BCKDHB: variants seen among roughly 807,000 people sequenced by gnomAD.
BCKDHB encodes the protein 2-oxoisovalerate dehydrogenase subunit beta, mitochondrial.
In BCKDHB, 41 loss-of-function variants were observed where a neutral mutation model predicts 48.5. That is an observed-to-expected ratio of 0.85 (90% CI 0.66 to 1.10). BCKDHB has a LOEUF of 1.10. Among genes scored for constraint, BCKDHB ranks in the 50% least tolerant of loss-of-function variants. The pLI is 0.00. For synonymous variants in BCKDHB, 201 were observed against 174.8 expected (o/e 1.15, Z -1.18); for missense variants, 496 against 494.2 (o/e 1.00, Z -0.03).
At chr6:80,179,749 G>C (rs372933495) in intron 6 of BCKDHB, among the ~76,000 whole-genome samples, 9 of 152,240 alleles carry the variant, frequency 5.9e-5, no homozygotes, top group African/African-American at 1.9e-4. Flanking sequence ...TTCTTTGAAA[G>C]TTATAAAAAC....
intron 8 of BCKDHB, among the ~76,000 whole-genome samples, chr6:80,226,885 G>A (rs1021128477): frequency 6.6e-6 from 1 of 152,194 alleles, no homozygotes; most frequent in African/African-American, 2.4e-5. Context: ...TCTGAGGCAT[G>A]GAGAGGGATC....
chr6:80,111,078 A>G (rs1769384249), intron 1 of BCKDHB, among the ~76,000 whole-genome samples: 1 of 152,242 alleles, frequency 6.6e-6, no homozygotes. Context: ...ACTAGAAATT[A>G]CTGTTGGAAG....
intron 8 of BCKDHB, among the ~76,000 whole-genome samples, chr6:80,257,042 C>T (rs1007146651): frequency 6.6e-6 from 1 of 152,092 alleles, no homozygotes; most frequent in Non-Finnish European, 1.5e-5. Flanking sequence ...AATAAATTTG[C>T]TCACTGGAGT....
At chr6:80,208,563 A>C (rs1277301421) in intron 8 of BCKDHB, among the ~76,000 whole-genome samples, 2 of 151,808 alleles carry the variant, frequency 1.3e-5, no homozygotes, top group African/African-American at 4.8e-5. Context: ...CTTTTAACTA[A>C]TGGAAAAAAT....
At chr6:80,307,733 A>G (rs1767950205) in intron 9 of BCKDHB, 1 of 980,360 alleles carries the variant, frequency 1.0e-6, no homozygotes, top group Non-Finnish European at 1.2e-6. Context: ...TTGTTAGACC[A>G]TATTGTCAGA....
At chr6:80,238,582 A>C (rs1776242621) in intron 8 of BCKDHB, among the ~76,000 whole-genome samples, 1 of 151,580 alleles carries the variant, frequency 6.6e-6, no homozygotes, top group Admixed American at 6.6e-5. Context: ...TTTTTATTTT[A>C]TTTTTATTTA....
At chr6:80,143,304 G>T (rs1412775414) in intron 3 of BCKDHB, among the ~76,000 whole-genome samples, 2 of 152,148 alleles carry the variant, frequency 1.3e-5, no homozygotes, top group South Asian at 2.1e-4. Context: ...GAATCTAAAT[G>T]TGTAGGTTAT....
At chr6:80,336,823 CAAAAT>C (rs1769616901) in intron 9 of BCKDHB, among the ~76,000 whole-genome samples, 1 of 151,884 alleles carries the variant, frequency 6.6e-6, no homozygotes, top group African/African-American at 2.4e-5. Context: ...ATGGTGTTAA[CAAAAT>C]AAAATAAGCA....
chr6:80,193,160 C>T (rs947377289), intron 6 of BCKDHB, among the ~76,000 whole-genome samples: 5 of 152,014 alleles, frequency 3.3e-5, no homozygotes, highest in Non-Finnish European at 7.4e-5. Flanking sequence ...CCTAATTTAT[C>T]TCATTATGCA....
chr6:80,373,239 G>A, the BCKDHB span, among the ~76,000 whole-genome samples: 2 of 152,100 alleles, frequency 1.3e-5, no homozygotes, highest in African/African-American at 4.8e-5. Flanking sequence ...GCACATAAAG[G>A]TGTTCATAGT....
chr6:80,110,548 G>C (rs1186772079), intron 1 of BCKDHB, among the ~76,000 whole-genome samples: 1 of 152,192 alleles, frequency 6.6e-6, no homozygotes, highest in Non-Finnish European at 1.5e-5. Context: ...AGGGAGAACT[G>C]TCCAAGTGTA....
Position 80,160,169 on chromosome 6 carries a change from G to A in BCKDHB, c.344-7509G>A, listed in dbSNP as rs567828802. ...CTGTCACCTTAAGTCATGCTTTTTC[G>A]TTTTCTTTTTTTTTTCTCATTCTGT... On this transcript the variant is annotated intron_variant, in intron 3 of 9. Transcript: ENST00000320393. Among the ~76,000 whole-genome samples, 6 of 151,916 alleles carry A rather than the reference G, an allele frequency of 3.9e-5. No individual in the cohort carries two copies. In the East Asian group the frequency reaches 5.8e-4, roughly 15 times the overall value.
At chr6:80,342,579 AG>A (rs149522082) in intron 9 of BCKDHB, among the ~76,000 whole-genome samples, 3,092 of 132,030 alleles carry the variant, frequency 0.023, 420 homozygotes, top group African/African-American at 0.075. Context: ...AAAAAAAAAA[AG>A]AAAGGGAAGA....
intron 5 of BCKDHB, among the ~76,000 whole-genome samples, chr6:80,170,421 T>G (rs6931421): frequency 0.26 from 39,232 of 152,114 alleles, 6,130 homozygotes; most frequent in Middle Eastern, 0.4. Context: ...AGTTTGTGAT[T>G]TAAGTCAACA....
chr6:80,149,972 G>T (rs539431560), intron 3 of BCKDHB, among the ~76,000 whole-genome samples: 2 of 112,236 alleles, frequency 1.8e-5, no homozygotes, highest in Non-Finnish European at 3.6e-5. Flanking sequence ...AAAACTTAAA[G>T]CATAATAATA....
chr6:80,172,692 A>G (rs1772974418), intron 6 of BCKDHB, among the ~76,000 whole-genome samples: 1 of 152,170 alleles, frequency 6.6e-6, no homozygotes, highest in Admixed American at 6.5e-5. Context: ...CATTGTATGA[A>G]TAGATCACAA....
At chr6:80,363,679 C>T in the BCKDHB span, among the ~76,000 whole-genome samples, 1 of 152,024 alleles carries the variant, frequency 6.6e-6, no homozygotes, top group Non-Finnish European at 1.5e-5. Context: ...GGGCTGTGGG[C>T]CAAGGAGATT....
chr6:80,289,412 G>T (rs1196785980), intron 9 of BCKDHB, among the ~76,000 whole-genome samples: 1 of 152,122 alleles, frequency 6.6e-6, no homozygotes, highest in African/African-American at 2.4e-5. Flanking sequence ...GAGACATAAG[G>T]TTAAGATGGC....
chr6:80,277,605 G>A (rs1778017979), intron 9 of BCKDHB, among the ~76,000 whole-genome samples: 1 of 150,014 alleles, frequency 6.7e-6, no homozygotes, highest in Admixed American at 6.6e-5. Flanking sequence ...TTTGGATTCA[G>A]TGCTTAAAAA....
Sources: gnomAD v4.1 joint callset for allele counts (sites outside exome capture counted in the v4.1 genomes callset) on GRCh38, gnomAD v4.1.1 for gene constraint, MANE v1.5 for transcripts, NCBI Gene and HGNC (gene_info 2026-07-23, HGNC 2026-07-21) for gene names.